The following TPO variants were observed in gnomAD, a reference collection of about 807,000 sequenced individuals.
TPO encodes thyroid peroxidase.
TPO carries 78 observed loss-of-function variants against 96.9 expected under a neutral mutation model. That is an observed-to-expected ratio of 0.81 (90% confidence interval 0.67 to 0.97). TPO has a LOEUF of 0.97. TPO is among the 50% of genes least tolerant of loss of function. The pLI is 0.00. For synonymous variants in TPO, 547 were observed against 538.0 expected, an observed-to-expected ratio of 1.02 and a Z score of -0.23; for missense variants, 1,252 against 1,274.8, an observed-to-expected ratio of 0.98 and a Z score of 0.27.
intron 13 of TPO, 110 bp from the exon 14 acceptor site, chr2:1,503,838 G>A (rs1673125123): frequency 1.3e-6 from 2 of 1,592,572 alleles, no homozygotes; most frequent in Admixed American, 1.7e-5. Context: ...GGGATGGCAG[G>A]CAAAGGGCTG....
intron 13 of TPO, among the ~76,000 whole-genome samples, chr2:1,496,999 G>A (rs533921922): frequency 1.3e-4 from 20 of 152,158 alleles, no homozygotes; most frequent in Non-Finnish European, 2.5e-4. Flanking sequence ...TGACCAATGG[G>A]GTCACCGGTG....
chr2:1,522,023 A>T (rs1675325942), intron 15 of TPO, among the ~76,000 whole-genome samples: 1 of 151,886 alleles, frequency 6.6e-6, no homozygotes, highest in Admixed American at 6.6e-5. Context: ...ACTTCTGAGC[A>T]AGTATAGGTG....
intron 9 of TPO, among the ~76,000 whole-genome samples, chr2:1,486,719 T>G (rs1249231539): frequency 6.6e-6 from 1 of 152,186 alleles, no homozygotes; most frequent in Non-Finnish European, 1.5e-5. Flanking sequence ...ATTTTTTCTT[T>G]ATATTCCTTT....
At chr2:1,392,155 C>G (rs1662011144) in intron 1 of TPO, among the ~76,000 whole-genome samples, 2 of 152,022 alleles carry the variant, frequency 1.3e-5, no homozygotes, top group South Asian at 4.1e-4. Context: ...ATAAATAGCT[C>G]TTATTATTTT....
At chr2:1,515,569 T>C (rs1335730391) in intron 14 of TPO, among the ~76,000 whole-genome samples, 3 of 152,158 alleles carry the variant, frequency 2.0e-5, no homozygotes, top group African/African-American at 4.8e-5. Flanking sequence ...CCAAGACCCA[T>C]GCGAGGAAGA....
In TPO at chr2:1,477,478, G is replaced by A. The variant is rs769184782; in HGVS notation, c.1212G>A (p.Thr404=). ...GCGCCAGCGAGGTCCCCTCCCTGACGGCACTGCACACGCTGTGGCTGCGCG... is the reference window on the plus strand; with the variant it reads ...GCGCCAGCGAGGTCCCCTCCCTGACAGCACTGCACACGCTGTGGCTGCGCG... The part of the protein sequence containing the change: ...DGRASEVPSL[T]ALHTLWLREH... Residue 404 remains threonine (T), a synonymous_variant, in exon 8 of 17, where the codon ACG becomes ACA. Transcript: ENST00000329066. 6.5e-7 allele frequency: 1 copy of A among 1,529,254 alleles called. No homozygotes were observed. The highest frequency in any genetic ancestry group is 8.7e-7 in the Non-Finnish European group (1 of 1,143,516). 94.7% of individuals were successfully genotyped at this position (1,529,254 alleles called of 1,614,324 possible). A position where few individuals can be genotyped will look rare whatever the true frequency, so the allele number is the denominator to read the frequency against.
Position 1,504,018 on chromosome 2 carries a change from C to T in TPO, c.2457C>T (p.Gly819=), listed in dbSNP as rs529772798. 8.7e-6 allele frequency: 14 copies of T among 1,614,226 alleles called. No individual in the cohort carries two copies. The highest frequency in any genetic ancestry group is 1.1e-5 in the South Asian group (1 of 91,090). ...HASARCRNTK[G]GFQCLCADPY... is the part of the protein sequence containing the mutation. ...CTGCGAGGTGCAGAAACACCAAAGG[C>T]GGCTTCCAGTGTCTCTGCGCGGACC... Residue 819 remains glycine (G), a synonymous_variant, in exon 14 of 17, where the codon GGC becomes GGT. Transcript: ENST00000329066.
chr2:1,490,537 C>T (rs371260666), intron 10 of TPO, among the ~76,000 whole-genome samples: 3 of 152,128 alleles, frequency 2.0e-5, no homozygotes, highest in South Asian at 2.1e-4. Context: ...CTGCGGCCTG[C>T]AGTTCGAAGC....
intron 5 of TPO, among the ~76,000 whole-genome samples, chr2:1,445,844 C>T (rs28651176): frequency 1.6e-4 from 18 of 112,292 alleles, no homozygotes; most frequent in Middle Eastern, 5.8e-3. Flanking sequence ...AGGCTCCTTC[C>T]TGTTTGTATG....
intron 5 of TPO, among the ~76,000 whole-genome samples, chr2:1,441,689 T>A (rs1394596895): frequency 1.3e-5 from 2 of 151,696 alleles, no homozygotes; most frequent in African/African-American, 2.4e-5. Context: ...AGCTGGGGGG[T>A]AGGAGGTGGG....
chr2:1,426,431 C>T (rs1019487709), intron 3 of TPO, among the ~76,000 whole-genome samples: 25 of 151,542 alleles, frequency 1.6e-4, no homozygotes, highest in African/African-American at 5.8e-4. Flanking sequence ...CTCAGAAGTC[C>T]ATGCTTCTTC....
At chr2:1,470,761 C>CA (rs1239557453) in intron 7 of TPO, among the ~76,000 whole-genome samples, 1 of 152,162 alleles carries the variant, frequency 6.6e-6, no homozygotes, top group African/African-American at 2.4e-5. Context: ...TTCTGCTAGA[C>CA]AACTTCAGTT....
intron 10 of TPO, among the ~76,000 whole-genome samples, chr2:1,490,426 A>G (rs890955332): frequency 2.3e-4 from 27 of 117,772 alleles, no homozygotes; most frequent in African/African-American, 5.5e-4. Context: ...CGAGGGTCCC[A>G]CACAGGGGGA....
intron 1 of TPO, among the ~76,000 whole-genome samples, chr2:1,392,126 C>T (rs1015399210): frequency 1.3e-5 from 2 of 152,074 alleles, no homozygotes; most frequent in Non-Finnish European, 2.9e-5. Flanking sequence ...AATTTTTGCC[C>T]ATTCAGTATG....
At chr2:1,454,331 T>A (rs970705291) in intron 6 of TPO, among the ~76,000 whole-genome samples, 2 of 152,234 alleles carry the variant, frequency 1.3e-5, no homozygotes, top group African/African-American at 2.4e-5. Context: ...CTGTTTGCTC[T>A]TGTGCCATGT....
chr2:1,487,368 G>A (rs894635186), intron 9 of TPO, among the ~76,000 whole-genome samples: 3 of 152,210 alleles, frequency 2.0e-5, no homozygotes, highest in Non-Finnish European at 4.4e-5. Flanking sequence ...GCAGTGTCCT[G>A]AGGACATTCA....
intron 15 of TPO, among the ~76,000 whole-genome samples, chr2:1,532,686 C>T (rs1337999952): frequency 2.1e-5 from 1 of 47,784 alleles, no homozygotes; most frequent in Non-Finnish European, 3.6e-5. Context: ...CAACCACCCA[C>T]TCTGTGCAAC....
intron 7 of TPO, among the ~76,000 whole-genome samples, chr2:1,467,439 T>C (rs962267686): frequency 6.6e-6 from 1 of 152,196 alleles, no homozygotes; most frequent in African/African-American, 2.4e-5. Context: ...TGATTTCATT[T>C]TTAACCCAGT....
chr2:1,379,286 C>CA (rs34094436), intron 1 of TPO, among the ~76,000 whole-genome samples: 15,007 of 152,140 alleles, frequency 0.099, 1,385 homozygotes, highest in African/African-American at 0.24. Flanking sequence ...GTCTGGGTGA[C>CA]AGGGTGAGAA....
Sources: allele counts gnomAD v4.1 joint callset (sites outside exome capture counted in the v4.1 genomes callset), GRCh38; gene constraint gnomAD v4.1.1; transcripts MANE v1.5; gene names NCBI Gene and HGNC (gene_info 2026-07-23, HGNC 2026-07-21).